MSRA: variants seen among roughly 807,000 people sequenced by gnomAD.
The protein encoded by MSRA is mitochondrial peptide methionine sulfoxide reductase.
Under a neutral mutation model 31.3 loss-of-function variants are expected in MSRA, and 54 were observed. The observed-to-expected ratio is 1.73, with a 90% CI of 1.39 to 2.17. The LOEUF is 2.17. Ranked by LOEUF, MSRA falls within the 30% of genes most tolerant of loss-of-function variation. MSRA has a pLI of 0.00. For synonymous variants in MSRA, 169 were observed against 116.5 expected (o/e 1.45, Z -2.90); for missense variants, 507 against 300.9 (o/e 1.69, Z -5.07).
chr8:10,364,545 C>G (rs1378380691), intron 5 of MSRA, among the ~76,000 whole-genome samples: 2 of 152,210 alleles, frequency 1.3e-5, no homozygotes, highest in African/African-American at 2.4e-5. Context: ...GAAAAATAGC[C>G]TAATTCTCAT....
intron 3 of MSRA, among the ~76,000 whole-genome samples, chr8:10,252,624 C>T (rs1178679385): frequency 1.3e-5 from 2 of 152,202 alleles, no homozygotes; most frequent in Non-Finnish European, 2.9e-5. Flanking sequence ...CCCTTTCAAG[C>T]TTCTGCAAAT....
intron 1 of MSRA, among the ~76,000 whole-genome samples, chr8:10,101,655 T>G (rs1799537099): frequency 6.6e-6 from 1 of 152,220 alleles, no homozygotes; most frequent in African/African-American, 2.4e-5. Flanking sequence ...CTTTTGTGAC[T>G]GGCTTCTTTC....
rs375647461 is a variant in MSRA, at chr8:10,315,390, C to G, written c.437-4493C>G. On this transcript the variant is annotated intron_variant, in intron 4 of 5. Transcript: ENST00000317173. ...TCAATAGAGACACATGGAAGACTCT[C>G]AAGGGTACTTGGCTGTACTCTCTTT... Among the ~76,000 whole-genome samples the G allele has an allele frequency of 3.9e-5, 6 of 152,350 alleles. No individual in the cohort carries two copies. In the East Asian group the frequency reaches 1.2e-3, roughly 29 times the overall value.
At chr8:10,211,025 C>T (rs764914460) in intron 2 of MSRA, among the ~76,000 whole-genome samples, 45 of 152,162 alleles carry the variant, frequency 3.0e-4, no homozygotes, top group East Asian at 7.7e-4. Flanking sequence ...CATGAGTCAT[C>T]GCACCCGGCC....
chr8:10,284,652 T>G (rs1799836695), intron 3 of MSRA, among the ~76,000 whole-genome samples: 1 of 152,160 alleles, frequency 6.6e-6, no homozygotes, highest in South Asian at 2.1e-4. Flanking sequence ...CTTCCTTCTT[T>G]AGCACAGTGT....
intron 3 of MSRA, among the ~76,000 whole-genome samples, chr8:10,268,442 C>A (rs1347097143): frequency 6.6e-6 from 1 of 152,214 alleles, no homozygotes; most frequent in East Asian, 1.9e-4. Context: ...ACCTGAACTT[C>A]TACTCCCGAG....
chr8:10,260,631 C>T (rs1383498264), intron 3 of MSRA, among the ~76,000 whole-genome samples: 1 of 152,028 alleles, frequency 6.6e-6, no homozygotes, highest in Admixed American at 6.5e-5. Context: ...TGACAACATA[C>T]CTGGGCAGAG....
At chr8:10,302,480 G>A (rs747102483) in intron 4 of MSRA, among the ~76,000 whole-genome samples, 5 of 152,178 alleles carry the variant, frequency 3.3e-5, no homozygotes, top group Non-Finnish European at 5.9e-5. Context: ...TTTTTGTGTA[G>A]TGGATATGCA....
At chr8:10,054,825 A>T (rs1342871693) in intron 1 of MSRA, among the ~76,000 whole-genome samples, 167 bp downstream of exon 1, 1 of 152,060 alleles carries the variant, frequency 6.6e-6, no homozygotes, top group Non-Finnish European at 1.5e-5. Context: ...GGCCGGGGAG[A>T]CGCTGGGGTC....
intron 1 of MSRA, among the ~76,000 whole-genome samples, chr8:10,185,256 G>C (rs1376192706): frequency 2.6e-5 from 4 of 152,168 alleles, no homozygotes; most frequent in African/African-American, 9.7e-5. Context: ...ACTGGGGCTT[G>C]GCAGTCATTA....
rs5889315 is a variant in MSRA at position 10,061,209 on chromosome 8, A to AT, written c.142+6551_142+6552insT. ...CCCCATCTTCTGCCTAATGTGTTTCACTTTTCTGCCTCTGTATTGCTCACA... is the reference window on the plus strand; with the variant it reads ...CCCCATCTTCTGCCTAATGTGTTTCATCTTTTCTGCCTCTGTATTGCTCACA... On this transcript the variant is annotated intron_variant, in intron 1 of 5. Coordinates refer to ENST00000317173, the MANE Select transcript of MSRA (RefSeq NM_012331.5). 9.7e-3 allele frequency among the ~76,000 whole-genome samples: 1,479 copies of AT among 152,014 alleles called. 13 individuals are homozygous for AT. Among genetic ancestry groups the AT allele is most frequent in the African/African-American group, 0.033 (1,386 of 41,434 alleles).
At chr8:10,261,452 T>G (rs775122624) in intron 3 of MSRA, among the ~76,000 whole-genome samples, 2 of 151,754 alleles carry the variant, frequency 1.3e-5, no homozygotes, top group Admixed American at 6.6e-5. Flanking sequence ...TCCCAGCATT[T>G]TGGGAGGCTG....
chr8:10,236,591 C>G (rs1563252881), intron 2 of MSRA, among the ~76,000 whole-genome samples: 1 of 152,204 alleles, frequency 6.6e-6, no homozygotes, highest in Non-Finnish European at 1.5e-5. Flanking sequence ...CTCACTCAAG[C>G]TAGAGTGCAG....
In MSRA at chr8:10,054,611, G is replaced by GC. The variant is rs775381198; in HGVS notation, c.100dup (p.Gln34ProfsTer46). ...GGCAACTCGGCCTCGAACATCGTCA[G>GC]CCCCCAGGAGGCCTTGCCGGGCCGG... On this transcript the variant is annotated frameshift_variant, in exon 1 of 6. Coordinates refer to ENST00000317173, the MANE Select transcript of MSRA (RefSeq NM_012331.5). LOFTEE classifies it high-confidence loss of function. The GC allele has an allele frequency of 1.8e-5, 29 of 1,578,610 alleles. No individual in the cohort carries two copies. The highest frequency in any genetic ancestry group is 2.5e-5 in the Non-Finnish European group (29 of 1,163,062).
At chr8:10,108,727 C>G (rs769140498) in intron 1 of MSRA, among the ~76,000 whole-genome samples, 6 of 152,136 alleles carry the variant, frequency 3.9e-5, no homozygotes, top group Non-Finnish European at 5.9e-5. Context: ...TTGCAGGTCT[C>G]TAGCACTTAT....
chr8:10,313,018 A>C (rs2129133128), intron 4 of MSRA, among the ~76,000 whole-genome samples: 1 of 152,322 alleles, frequency 6.6e-6, no homozygotes, highest in African/African-American at 2.4e-5. Flanking sequence ...TCATGCAGTA[A>C]GTCAAGGAAA....
intron 5 of MSRA, among the ~76,000 whole-genome samples, chr8:10,390,912 T>A (rs1383372022): frequency 1.3e-5 from 2 of 150,778 alleles, no homozygotes. Flanking sequence ...GGAGGTGGAG[T>A]TTGCAGTGAG....
chr8:10,270,903 C>G (rs1036668704), intron 3 of MSRA, among the ~76,000 whole-genome samples: 2 of 152,206 alleles, frequency 1.3e-5, no homozygotes, highest in African/African-American at 4.8e-5. Flanking sequence ...AGCCAGGCGC[C>G]TTCCCCACAG....
At chr8:10,165,581 G>A (rs1321933622) in intron 1 of MSRA, among the ~76,000 whole-genome samples, 1 of 152,162 alleles carries the variant, frequency 6.6e-6, no homozygotes, top group Non-Finnish European at 1.5e-5. Flanking sequence ...AAAATGAGTG[G>A]CAGTCTGTGC....
Sources: gnomAD v4.1 joint callset for allele counts (sites outside exome capture counted in the v4.1 genomes callset) on GRCh38, gnomAD v4.1.1 for gene constraint, MANE v1.5 for transcripts, NCBI Gene and HGNC (gene_info 2026-07-23, HGNC 2026-07-21) for gene names.